MECOM: variants seen among roughly 807,000 people sequenced by gnomAD.
MECOM encodes the protein histone-lysine N-methyltransferase MECOM.
Under a neutral mutation model 116.3 loss-of-function variants are expected in MECOM, and 13 were observed. The ratio of observed to expected loss-of-function variants is 0.11; its 90% CI spans 0.07 to 0.18. The LOEUF is 0.18. MECOM is among the 10% of genes least tolerant of loss of function. The pLI, the probability that MECOM is intolerant of heterozygous loss-of-function variation, is 1.00. For missense variants in MECOM, 1,299 were observed against 1,509.0 expected (o/e 0.86, Z 2.31); for synonymous variants, 528 against 535.2 (o/e 0.99, Z 0.19).
intron 2 of MECOM, among the ~76,000 whole-genome samples, chr3:169,360,318 C>CAAAAAA (rs1301938843): frequency 1.6e-5 from 1 of 63,752 alleles, no homozygotes; most frequent in Non-Finnish European, 3.0e-5. Context: ...AAAAGTTACA[C>CAAAAAA]CAAAAAAAAA....
chr3:169,425,806 A>G (rs547371551), intron 1 of MECOM, among the ~76,000 whole-genome samples: 5 of 152,322 alleles, frequency 3.3e-5, no homozygotes, highest in African/African-American at 1.2e-4. Flanking sequence ...ACACAATGGA[A>G]TTCAGTGCAG....
intron 16 of MECOM, among the ~76,000 whole-genome samples, chr3:169,088,329 C>T (rs1718526889): frequency 6.6e-6 from 1 of 152,122 alleles, no homozygotes; most frequent in Admixed American, 6.5e-5. Context: ...CTTTTAATTG[C>T]TATTTATGGA....
chr3:169,383,066 C>A (rs1732746527), intron 1 of MECOM, among the ~76,000 whole-genome samples: 1 of 151,912 alleles, frequency 6.6e-6, no homozygotes, highest in African/African-American at 2.4e-5. Context: ...GTTTATTGGG[C>A]TAGAAGATAG....
intron 2 of MECOM, among the ~76,000 whole-genome samples, chr3:169,202,515 T>G (rs1324494339): frequency 6.6e-6 from 1 of 151,818 alleles, no homozygotes; most frequent in African/African-American, 2.4e-5. Flanking sequence ...AAATTCTGTA[T>G]TATTTGTTAA....
chr3:169,609,348 G>C (rs193011012), intron 1 of MECOM, among the ~76,000 whole-genome samples: 1 of 152,164 alleles, frequency 6.6e-6, no homozygotes, highest in Non-Finnish European at 1.5e-5. Context: ...CATATGTTAT[G>C]AGAAATGCAT....
chr3:169,341,749 A>AAAAAAG lies in MECOM; in HGVS notation c.375+39437_375+39438insCTTTTT, dbSNP rs1318803159. On this transcript the variant is annotated intron_variant, in intron 2 of 16. Transcript: ENST00000651503. ...AGTGAGACTCCCTCTCAAAAAAAAA[A>AAAAAAG]AAAGAACAAATGAATAAAACCTACT... Among the ~76,000 whole-genome samples the AAAAAAG allele has an allele frequency of 1.9e-3, 283 of 151,936 alleles. 4 individuals carry two copies. Among genetic ancestry groups the AAAAAAG allele is most frequent in the African/African-American group, 6.6e-3 (273 of 41,398 alleles).
chr3:169,657,229 G>A (rs746497952), intron 1 of MECOM, among the ~76,000 whole-genome samples: 6 of 152,174 alleles, frequency 3.9e-5, no homozygotes, highest in Non-Finnish European at 8.8e-5. Context: ...CCCTTTAGAC[G>A]CAGTTAATAT....
At chr3:169,443,756 G>A in intron 1 of MECOM, among the ~76,000 whole-genome samples, 1 of 152,208 alleles carries the variant, frequency 6.6e-6, no homozygotes, top group Non-Finnish European at 1.5e-5. Flanking sequence ...GTGCTCATCT[G>A]AAAACACAGC....
chr3:169,452,019 C>T (rs536169822), intron 1 of MECOM, among the ~76,000 whole-genome samples: 2 of 151,796 alleles, frequency 1.3e-5, no homozygotes, highest in Non-Finnish European at 2.9e-5. Flanking sequence ...ATACTAGTCT[C>T]TAGTAATGCT....
intron 2 of MECOM, among the ~76,000 whole-genome samples, chr3:169,370,882 G>T (rs560836288): frequency 2.0e-4 from 30 of 151,946 alleles, no homozygotes; most frequent in African/African-American, 7.0e-4. Context: ...GCGAAGATGT[G>T]GAGAAAAGGG....
intron 1 of MECOM, among the ~76,000 whole-genome samples, chr3:169,382,913 A>G (rs1014959713): frequency 1.3e-5 from 2 of 149,296 alleles, no homozygotes; most frequent in Non-Finnish European, 3.0e-5. Flanking sequence ...CAGCTCCATG[A>G]TCAGTGTTCT....
intron 2 of MECOM, among the ~76,000 whole-genome samples, chr3:169,378,455 A>AAGAGAGAGAGAGAGAGAGAG: frequency 2.0e-5 from 1 of 51,280 alleles, no homozygotes; most frequent in East Asian, 4.5e-4. Context: ...GAAAGAAGGA[A>AAGAGAGAGAGAGAGAGAGAG]AGCAAGCAAG....
intron 2 of MECOM, among the ~76,000 whole-genome samples, chr3:169,323,782 C>T (rs575483794): frequency 6.6e-6 from 1 of 152,296 alleles, no homozygotes; most frequent in Admixed American, 6.5e-5. Flanking sequence ...TGTACACTGA[C>T]AGCAGCATGG....
At chr3:169,598,524 T>G (rs1309176805) in intron 1 of MECOM, among the ~76,000 whole-genome samples, 3 of 152,214 alleles carry the variant, frequency 2.0e-5, no homozygotes, top group Non-Finnish European at 4.4e-5. Flanking sequence ...AACTATTTTT[T>G]GTAGTGCTAA....
chr3:169,393,694 T>C lies in MECOM; in HGVS notation c.38-12170A>G, dbSNP rs1242028675. On this transcript the variant is annotated intron_variant, in intron 1 of 16. Transcript: ENST00000651503. ...AGTGATTTTTTTGGTGTTTTGCTGA[T>C]TTTTTTATGAGTTTATTCTGGTAAA... 3.3e-5 allele frequency among the ~76,000 whole-genome samples: 5 copies of C among 152,118 alleles called. No individual in the cohort carries two copies. In the East Asian group the frequency reaches 9.6e-4, roughly 29 times the overall value.
chr3:169,349,712 G>A (rs904328976), intron 2 of MECOM, among the ~76,000 whole-genome samples: 1 of 151,858 alleles, frequency 6.6e-6, no homozygotes, highest in African/African-American at 2.4e-5. Context: ...AGCCCTGTCA[G>A]GTGGGGCTTA....
chr3:169,518,164 C>A (rs2109066776), intron 1 of MECOM, among the ~76,000 whole-genome samples: 1 of 151,914 alleles, frequency 6.6e-6, no homozygotes, highest in African/African-American at 2.4e-5. Context: ...GAGGCTGAGG[C>A]AGGAGAATGG....
At chr3:169,581,842 G>C (rs1292198749) in intron 1 of MECOM, among the ~76,000 whole-genome samples, 2 of 152,206 alleles carry the variant, frequency 1.3e-5, no homozygotes, top group Non-Finnish European at 2.9e-5. Flanking sequence ...GAAAACATTT[G>C]ACACTGGTCA....
chr3:169,575,116 G>T (rs1469294063), intron 1 of MECOM, among the ~76,000 whole-genome samples: 2 of 152,132 alleles, frequency 1.3e-5, no homozygotes, highest in East Asian at 3.9e-4. Flanking sequence ...TATACCTGTT[G>T]CTACCCGTAA....
Sources: allele counts gnomAD v4.1 joint callset (sites outside exome capture counted in the v4.1 genomes callset), GRCh38; gene constraint gnomAD v4.1.1; transcripts MANE v1.5; gene names NCBI Gene and HGNC (gene_info 2026-07-23, HGNC 2026-07-21).